NRXN3: variants seen among roughly 807,000 people sequenced by gnomAD.
NRXN3 encodes the protein neurexin 3, also known as neurexin III.
In NRXN3, 32 loss-of-function variants were observed where a neutral mutation model predicts 137.6. The ratio of observed to expected loss-of-function variants is 0.23; its 90% CI spans 0.18 to 0.31. The LOEUF (loss-of-function observed/expected upper bound fraction) is 0.31. NRXN3 is among the 10% of genes least tolerant of loss of function. NRXN3 has a pLI of 1.00. For missense variants in NRXN3, 1,574 were observed against 2,062.5 expected, an observed-to-expected ratio of 0.76 and a Z score of 4.59; for synonymous variants, 798 against 784.5, an observed-to-expected ratio of 1.02 and a Z score of -0.29.
chr14:78,758,709 T>G (rs1174739195), intron 8 of NRXN3, among the ~76,000 whole-genome samples: 1 of 152,232 alleles, frequency 6.6e-6, no homozygotes, highest in Non-Finnish European at 1.5e-5. Flanking sequence ...ATGTATCATT[T>G]TTTGAGAATG....
intron 20 of NRXN3, among the ~76,000 whole-genome samples, chr14:79,807,456 G>T (rs749395649): frequency 1.3e-5 from 2 of 152,114 alleles, no homozygotes; most frequent in Non-Finnish European, 2.9e-5. Context: ...CTCTAGCTCT[G>T]TAGCTCCCCA....
chr14:78,561,765 CAGTGTAG>C (rs1220930767), intron 4 of NRXN3, among the ~76,000 whole-genome samples: 2 of 152,208 alleles, frequency 1.3e-5, no homozygotes, highest in Non-Finnish European at 1.5e-5. Flanking sequence ...CTGGTCTCAT[CAGTGTAG>C]AGGCCAGAAG....
At chr14:79,593,858 T>C (rs1214519231) in intron 16 of NRXN3, among the ~76,000 whole-genome samples, 1 of 152,216 alleles carries the variant, frequency 6.6e-6, no homozygotes, top group Non-Finnish European at 1.5e-5. Context: ...TCAGTCACTT[T>C]AGCTCCACAG....
chr14:78,810,309 C>T lies in NRXN3; in HGVS notation c.2249-9C>T, dbSNP rs2098903730. ...CAATTTCATCTTTCATTTATTTTTC[C>T]CCATCTAGACTGTATCAGGATAAAC... On this transcript the variant is annotated splice_polypyrimidine_tract_variant and intron_variant, in intron 9 of 20. Transcript: ENST00000335750. The T allele has an allele frequency of 4.6e-6, 7 of 1,507,584 alleles. No homozygotes were observed. In the African/African-American group the frequency reaches 5.7e-5, roughly 12 times the overall value. 93.4% of individuals were successfully genotyped at this position (1,507,584 alleles called of 1,614,324 possible).
intron 8 of NRXN3, among the ~76,000 whole-genome samples, chr14:78,759,130 T>C (rs2098681888): frequency 6.6e-6 from 1 of 152,202 alleles, no homozygotes; most frequent in African/African-American, 2.4e-5. Context: ...TGTTAGGCAC[T>C]TTAGGTTCAA....
At chr14:79,835,425 G>A (rs1997567) in intron 20 of NRXN3, among the ~76,000 whole-genome samples, 138,219 of 152,194 alleles carry the variant, frequency 0.91, 62,789 homozygotes, top group East Asian at 0.95. Context: ...GTACCATAAC[G>A]CTTTTCCTTT....
intron 20 of NRXN3, among the ~76,000 whole-genome samples, chr14:79,839,428 G>A (rs1338172029): frequency 2.0e-5 from 3 of 152,056 alleles, no homozygotes; most frequent in South Asian, 4.1e-4. Context: ...GAATTAAGAT[G>A]CAGTGTGAAA....
intron 8 of NRXN3, among the ~76,000 whole-genome samples, chr14:78,742,944 AGGTCTAATACTCCTT>A (rs2098586859): frequency 6.6e-6 from 1 of 152,218 alleles, no homozygotes; most frequent in Admixed American, 6.5e-5. Context: ...TCAATAATTA[AGGTCTAATACTCCTT>A]TTATTATTAA....
At chr14:79,279,562 C>A (rs1391858145) in intron 15 of NRXN3, 2 of 986,210 alleles carry the variant, frequency 2.0e-6, no homozygotes, top group East Asian at 2.3e-4. Flanking sequence ...CTCCTCCTCT[C>A]CTCTTTCCCT....
At chr14:78,377,211 A>G (rs1364078509) in intron 4 of NRXN3, among the ~76,000 whole-genome samples, 3 of 152,184 alleles carry the variant, frequency 2.0e-5, no homozygotes, top group African/African-American at 7.2e-5. Flanking sequence ...AATGAAAATG[A>G]TAGGAAAATA....
chr14:78,910,524 T>C (rs1220968076), intron 10 of NRXN3, among the ~76,000 whole-genome samples: 1 of 152,062 alleles, frequency 6.6e-6, no homozygotes, highest in Non-Finnish European at 1.5e-5. Flanking sequence ...ACCTAGAGCA[T>C]TTTCCCCCAA....
intron 8 of NRXN3, among the ~76,000 whole-genome samples, chr14:78,732,281 C>T (rs2098519632): frequency 6.6e-6 from 1 of 152,156 alleles, no homozygotes. Context: ...ACTATACCCA[C>T]TCTAGTGGAA....
intron 19 of NRXN3, among the ~76,000 whole-genome samples, chr14:79,780,948 C>A (rs1181436892): frequency 2.6e-5 from 4 of 152,056 alleles, no homozygotes; most frequent in South Asian, 4.1e-4. Context: ...AAAAATATTT[C>A]TTTTAGCAAA....
chr14:78,355,986 T>A (rs1319320741), intron 4 of NRXN3, among the ~76,000 whole-genome samples: 2 of 152,200 alleles, frequency 1.3e-5, no homozygotes, highest in African/African-American at 4.8e-5. Context: ...GAGGGCAACT[T>A]TAAACTTTCC....
intron 15 of NRXN3, among the ~76,000 whole-genome samples, chr14:79,397,319 ACTGT>A (rs1368549823): frequency 1.3e-5 from 2 of 152,210 alleles, no homozygotes; most frequent in African/African-American, 4.8e-5. Flanking sequence ...TGTTTGTCAG[ACTGT>A]CTGATGTTAA....
intron 1 of NRXN3, among the ~76,000 whole-genome samples, chr14:78,225,459 C>T (rs1397952042): frequency 1.3e-5 from 2 of 150,436 alleles, no homozygotes; most frequent in African/African-American, 4.9e-5. Flanking sequence ...TTGTTTTTTT[C>T]TTGTAAATTT....
chr14:79,596,029 G>T (rs1177594218), intron 16 of NRXN3, among the ~76,000 whole-genome samples: 1 of 151,562 alleles, frequency 6.6e-6, no homozygotes, highest in Admixed American at 6.6e-5. Context: ...ATATATAAGA[G>T]GACAAATCTT....
chr14:78,214,573 G>C (rs2063069363), intron 1 of NRXN3, among the ~76,000 whole-genome samples: 1 of 152,166 alleles, frequency 6.6e-6, no homozygotes, highest in Admixed American at 6.5e-5. Context: ...TGATGTTTTG[G>C]TCTAGTGGAT....
chr14:78,339,403 GACAA>G (rs763926902), intron 4 of NRXN3, among the ~76,000 whole-genome samples: 5 of 152,142 alleles, frequency 3.3e-5, no homozygotes, highest in Non-Finnish European at 7.4e-5. Context: ...ATAGCTCTGT[GACAA>G]ACAGACACAG....
Sources: gnomAD v4.1 joint callset for allele counts (sites outside exome capture counted in the v4.1 genomes callset) on GRCh38, gnomAD v4.1.1 for gene constraint, MANE v1.5 for transcripts, NCBI Gene and HGNC (gene_info 2026-07-23, HGNC 2026-07-21) for gene names.